Variants in BRINP1 observed in about 807,000 individuals in gnomAD.
BRINP1 encodes the protein BMP/retinoic acid inducible neural specific 1, also known as BMP/retinoic acid-inducible neural-specific protein 1.
A neutral mutation model predicts 72.9 loss-of-function variants in BRINP1; 17 were observed. That is an observed-to-expected ratio of 0.23 (90% CI 0.16 to 0.35). BRINP1 has a LOEUF of 0.35. Among genes scored for constraint, BRINP1 ranks in the 10% least tolerant of loss-of-function variants. The pLI is 1.00. For missense variants in BRINP1, 850 were observed against 1,001.6 expected, an observed-to-expected ratio of 0.85 and a Z score of 2.04; for synonymous variants, 418 against 378.5, an observed-to-expected ratio of 1.10 and a Z score of -1.21.
At chr9:119,203,163 C>T (rs1165403353) in intron 7 of BRINP1, among the ~76,000 whole-genome samples, 1 of 152,214 alleles carries the variant, frequency 6.6e-6, no homozygotes, top group Non-Finnish European at 1.5e-5. Context: ...AGTCTCCTAT[C>T]TGCCACTGCC....
At position 119,354,716 on chromosome 9, in the gene BRINP1, A is replaced by C. The variant is rs985294452; in HGVS notation, c.-51+14340T>G. On this transcript the variant is annotated intron_variant, in intron 1 of 7. Coordinates refer to ENST00000265922, the MANE Select transcript of BRINP1 (RefSeq NM_014618.3). ...TCTCTAAAAAAAAAAAATAAAAATAAAAACTTGCCAGGTGTGGTGGCATGT... is the reference window on the plus strand; with the variant it reads ...TCTCTAAAAAAAAAAAATAAAAATACAAACTTGCCAGGTGTGGTGGCATGT... Among the ~76,000 whole-genome samples, 8 of 152,090 alleles carry C rather than the reference A, an allele frequency of 5.3e-5. 1 individual carries two copies. Among genetic ancestry groups the C allele is most frequent in the Non-Finnish European group, 1.2e-4 (8 of 68,028 alleles).
chr9:119,237,346 C>CATTATTATTATTATT (rs34106507), intron 5 of BRINP1, among the ~76,000 whole-genome samples: 23,782 of 144,866 alleles, frequency 0.16, 2,308 homozygotes, highest in East Asian at 0.32. Context: ...TTTCTTGCTA[C>CATTATTATTATTATT]ATTATTATTA....
rs527410049 is a variant in BRINP1 at position 119,166,783 on chromosome 9, A to G, written c.*301T>C. The G allele has an allele frequency of 1.8e-4, 52 of 291,062 alleles. No individual in the cohort carries two copies. Among genetic ancestry groups the G allele is most frequent in the African/African-American group, 1.1e-3 (51 of 45,390 alleles). 18.0% of individuals were successfully genotyped at this position (291,062 alleles called of 1,614,324 possible). On this transcript the variant is annotated 3_prime_UTR_variant, in exon 8 of 8. Coordinates refer to ENST00000265922, the MANE Select transcript of BRINP1 (RefSeq NM_014618.3). ...CAGAGATCTTTACAATTCATTGCATATGCTTTCTCCCTTCTCCCCCAATAC... is the reference window on the plus strand; with the variant it reads ...CAGAGATCTTTACAATTCATTGCATGTGCTTTCTCCCTTCTCCCCCAATAC...
At chr9:119,284,680 C>T (rs1346996204) in intron 2 of BRINP1, among the ~76,000 whole-genome samples, 2 of 152,116 alleles carry the variant, frequency 1.3e-5, no homozygotes, top group Non-Finnish European at 2.9e-5. Context: ...AGCCTGTCCC[C>T]AGGGTTTTTA....
chr9:119,230,383 C>A (rs1233637483), intron 5 of BRINP1, among the ~76,000 whole-genome samples: 1 of 151,972 alleles, frequency 6.6e-6, no homozygotes, highest in African/African-American at 2.4e-5. Flanking sequence ...ATCACGCTGG[C>A]TGCTGTGAGT....
intron 6 of BRINP1, 115 bp downstream of exon 6, chr9:119,213,804 A>G: frequency 1.2e-6 from 1 of 859,822 alleles, no homozygotes; most frequent in Non-Finnish European, 1.9e-6. Context: ...TCCAAAGTGA[A>G]AGGGTCAGGG....
In BRINP1 at chr9:119,167,050, A is replaced by G; in HGVS notation, c.*34T>C. On this transcript the variant is annotated 3_prime_UTR_variant, in exon 8 of 8. Transcript: ENST00000265922. The surrounding 1 kb of genome is among the most constrained non-coding windows in gnomAD (Gnocchi z 4.3). ...CATTTTGTTCTGTTGTGTGTGTACA[A>G]CAACAGGAAAAGTCCATGGCAAGGA... 1.3e-6 allele frequency: 2 copies of G among 1,557,024 alleles called. No homozygotes were observed. The highest frequency in any genetic ancestry group is 1.4e-5 in the African/African-American group (1 of 73,552).
chr9:119,221,376 G>T (rs1245174103), intron 5 of BRINP1, among the ~76,000 whole-genome samples: 13 of 152,126 alleles, frequency 8.5e-5, no homozygotes, highest in African/African-American at 3.1e-4. Flanking sequence ...CAACAGCCAT[G>T]CTGAACTCCA....
intron 3 of BRINP1, among the ~76,000 whole-genome samples, chr9:119,243,583 T>C (rs1830281561): frequency 6.6e-6 from 1 of 152,228 alleles, no homozygotes; most frequent in Non-Finnish European, 1.5e-5. Flanking sequence ...ATGGGATTGC[T>C]GGGACAAATG....
At position 119,243,683 on chromosome 9, in the gene BRINP1, G is replaced by A. The variant is rs1005692191; in HGVS notation, c.410-1467C>T. ...ACGTTCCCACCAACAGTGTAAAAAC[G>A]TTTGTTCAATTGATTTGTCCTTTTT... On this transcript the variant is annotated intron_variant, in intron 3 of 7. Coordinates refer to ENST00000265922, the MANE Select transcript of BRINP1 (RefSeq NM_014618.3). Among the ~76,000 whole-genome samples the A allele has an allele frequency of 7.2e-5, 11 of 152,258 alleles. No homozygotes were observed. In the Middle Eastern group the frequency reaches 0.01, roughly 141 times the overall value.
In BRINP1 at chr9:119,366,433, A is replaced by G. The variant is rs76478998; in HGVS notation, c.-51+2623T>C. Among the ~76,000 whole-genome samples, 3 of 150,468 alleles carry G rather than the reference A, an allele frequency of 2.0e-5. No individual in the cohort carries two copies. In the East Asian group the frequency reaches 5.9e-4, roughly 30 times the overall value. ...AGTACTGGGTCCTTGCTTGTCGGTA[A>G]TTCCCTAAAGACATTGGAGAAGGAA... On this transcript the variant is annotated intron_variant, in intron 1 of 7. Transcript: ENST00000265922.
rs376844874 is a variant in BRINP1 at position 119,167,633 on chromosome 9, G to T, written c.1737C>A (p.Phe579Leu). 3.7e-6 allele frequency: 6 copies of T among 1,614,072 alleles called. No individual in the cohort carries two copies. The South Asian group carries it at 6.6e-5, about 18-fold the overall frequency. The change falls in exon 8 of 8, where the codon TTC becomes TTA. Residue 579 changes from phenylalanine (F) to leucine (L), a missense_variant. Coordinates refer to ENST00000265922, the MANE Select transcript of BRINP1 (RefSeq NM_014618.3). This position sits in a 1 kb window ranked among gnomAD's most constrained non-coding sequence, Gnocchi z 4.3. ...GSHSEGWNMP[F>L]GEFGYPRWEK... ...CCCAGCGTGGGTAGCCAAATTCCCC[G>T]AAGGGCATGTTCCAGCCCTCCGAAT...
intron 2 of BRINP1, among the ~76,000 whole-genome samples, chr9:119,268,345 C>T (rs146507370): frequency 0.014 from 2,146 of 151,972 alleles, 30 homozygotes; most frequent in Non-Finnish European, 0.022. Flanking sequence ...ATAGCTGATA[C>T]GGACTGGCCT....
chr9:119,218,399 T>TA (rs754309225), intron 5 of BRINP1, among the ~76,000 whole-genome samples: 5 of 151,840 alleles, frequency 3.3e-5, no homozygotes, highest in Non-Finnish European at 5.9e-5. Context: ...TGCCTCGGCC[T>TA]CCCAAAGTGC....
intron 2 of BRINP1, among the ~76,000 whole-genome samples, chr9:119,306,479 C>G (rs1429940168): frequency 6.6e-6 from 1 of 152,158 alleles, no homozygotes; most frequent in Non-Finnish European, 1.5e-5. Context: ...CCAATGCTGT[C>G]AGCCTTTAAA....
At chr9:119,232,702 T>C (rs1830159290) in intron 5 of BRINP1, among the ~76,000 whole-genome samples, 1 of 152,124 alleles carries the variant, frequency 6.6e-6, no homozygotes, top group South Asian at 2.1e-4. Context: ...AGTAAATGTA[T>C]GAAAGAATAA....
chr9:119,215,756 G>A (rs1039229685), intron 5 of BRINP1, among the ~76,000 whole-genome samples: 3 of 152,224 alleles, frequency 2.0e-5, no homozygotes, highest in Non-Finnish European at 4.4e-5. Flanking sequence ...GAAAGAAGAT[G>A]ATTCCTCCAG....
chr9:119,312,232 C>G (rs2118993986), intron 2 of BRINP1, among the ~76,000 whole-genome samples: 1 of 152,290 alleles, frequency 6.6e-6, no homozygotes, highest in South Asian at 2.1e-4. Context: ...CTCCTAAGAC[C>G]ACACCTAACT....
chr9:119,167,342 G>A lies in BRINP1; in HGVS notation c.2028C>T (p.Val676=). ...ADLLRSAVQQ[V]NQSYTQGGQF... is the part of the protein sequence containing the mutation. ...GGCCGCCCTGTGTGTAGGACTGGTT[G>A]ACCTGCTGCACTGCACTGCGCAGGA... The change falls in exon 8 of 8, where the codon GTC becomes GTT. Residue 676 remains valine (V), a synonymous_variant. Coordinates refer to ENST00000265922, the MANE Select transcript of BRINP1 (RefSeq NM_014618.3). The surrounding 1 kb of genome is among the most constrained non-coding windows in gnomAD (Gnocchi z 4.3). The A allele has an allele frequency of 6.2e-7, 1 of 1,614,144 alleles. No homozygotes were observed. The highest frequency in any genetic ancestry group is 8.5e-7 in the Non-Finnish European group (1 of 1,180,030).
Sources: gnomAD v4.1 joint callset for allele counts (sites outside exome capture counted in the v4.1 genomes callset) on GRCh38, gnomAD v4.1.1 for gene constraint, Gnocchi (gnomAD v3.1) non-coding constraint, MANE v1.5 for transcripts, NCBI Gene and HGNC (gene_info 2026-07-23, HGNC 2026-07-21) for gene names.